Variants in RAB11FIP1 observed in about 807,000 individuals in gnomAD.
RAB11FIP1 encodes RAB11 family interacting protein 1, also known as rab11 family-interacting protein 1.
In RAB11FIP1, 49 loss-of-function variants were observed where a neutral mutation model predicts 83.1. That is an observed-to-expected ratio of 0.59 (90% CI 0.47 to 0.75). The LOEUF (loss-of-function observed/expected upper bound fraction) is 0.75, where lower values mean the gene tolerates loss of function less well. Ranked by LOEUF, RAB11FIP1 falls within the 30% of genes least tolerant of loss-of-function variation. The probability of loss-of-function intolerance (pLI) is 0.00; values close to 1 mark genes in which losing one functional copy is unlikely to be tolerated. For synonymous variants in RAB11FIP1, 670 were observed against 656.0 expected, an observed-to-expected ratio of 1.02 and a Z score of -0.33; for missense variants, 1,536 against 1,598.7, an observed-to-expected ratio of 0.96 and a Z score of 0.67.
At chr8:37,870,820 T>C in intron 4 of RAB11FIP1, 1 of 338,444 alleles carries the variant, frequency 3.0e-6, no homozygotes, top group Non-Finnish European at 5.3e-6. Flanking sequence ...AGTCTCTTAT[T>C]TTTTTAAGTC....
At position 37,872,693 on chromosome 8, in the gene RAB11FIP1, C is replaced by T; in HGVS notation, c.2109G>A (p.Glu703=). 6.2e-7 allele frequency: 1 copy of T among 1,614,238 alleles called. No individual in the cohort carries two copies. Among genetic ancestry groups the T allele is most frequent in the Non-Finnish European group, 8.5e-7 (1 of 1,180,036 alleles). Residue 703 remains glutamate, a synonymous_variant, in exon 4 of 6, where the codon GAG becomes GAA. Coordinates refer to ENST00000330843, the MANE Select transcript of RAB11FIP1 (RefSeq NM_001002814.3). ...LPEQPETGRQ[E]EELPRFPCKK... ...TGCAGGGGAATCTCGGAAGTTCTTCCTCTTGTCGCCCTGTTTCAGGCTGCT... is the reference window on the plus strand; with the variant it reads ...TGCAGGGGAATCTCGGAAGTTCTTCTTCTTGTCGCCCTGTTTCAGGCTGCT...
intron 1 of RAB11FIP1, among the ~76,000 whole-genome samples, chr8:37,894,729 T>TATATATAC (rs1807027840): frequency 2.0e-5 from 3 of 147,504 alleles, no homozygotes; most frequent in African/African-American, 7.5e-5. Flanking sequence ...TATACATATA[T>TATATATAC]ATATATATAT....
At chr8:37,895,544 G>C (rs143040454) in intron 1 of RAB11FIP1, among the ~76,000 whole-genome samples, 1 of 151,224 alleles carries the variant, frequency 6.6e-6, no homozygotes, top group African/African-American at 2.4e-5. Flanking sequence ...GTACTTAGCC[G>C]ATTCCCATTT....
chr8:37,870,966 A>C, intron 4 of RAB11FIP1: 1 of 363,954 alleles, frequency 2.7e-6, no homozygotes, highest in Non-Finnish European at 5.0e-6. Context: ...AGATACTACT[A>C]CCACTCAATG....
Position 37,896,851 on chromosome 8 carries a change from C to T in RAB11FIP1, c.371+2220G>A, listed in dbSNP as rs139767231. Among the ~76,000 whole-genome samples, 66 of 152,294 alleles carry T rather than the reference C, an allele frequency of 4.3e-4. No individual in the cohort carries two copies. In the East Asian group the frequency reaches 0.01, roughly 24 times the overall value. On this transcript the variant is annotated intron_variant, in intron 1 of 5. Transcript: ENST00000330843. ...GAAGCCCAACAATGAGTCAGGGCTG[C>T]TGTGGGCACTGGACCCAGGACTCTG...
intron 1 of RAB11FIP1, among the ~76,000 whole-genome samples, chr8:37,896,678 C>G (rs1807097160): frequency 6.6e-6 from 1 of 152,210 alleles, no homozygotes; most frequent in Non-Finnish European, 1.5e-5. Context: ...GTTTCAATCT[C>G]TCACAAAGCA....
At chr8:37,863,867 C>A (rs1364782176) in intron 5 of RAB11FIP1, among the ~76,000 whole-genome samples, 1 of 152,200 alleles carries the variant, frequency 6.6e-6, no homozygotes, top group African/African-American at 2.4e-5. Context: ...CTCACACAAC[C>A]AAACACCAGT....
chr8:37,898,693 G>A (rs1453920935), intron 1 of RAB11FIP1, among the ~76,000 whole-genome samples: 1 of 151,214 alleles, frequency 6.6e-6, no homozygotes, highest in South Asian at 2.1e-4. Context: ...GGTGGTGCGC[G>A]CCTGTAATCC....
chr8:37,873,364 G>A, intron 3 of RAB11FIP1, 185 bp from the exon 4 acceptor site: 1 of 561,428 alleles, frequency 1.8e-6, no homozygotes, highest in South Asian at 2.6e-5. Context: ...CAGCACTGTG[G>A]GAGGCCGAGG....
At position 37,860,856 on chromosome 8, in the gene RAB11FIP1, T is replaced by G. The variant is rs1405253438; in HGVS notation, c.*2039A>C. The G allele has an allele frequency of 6.6e-6, 1 of 152,652 alleles. No homozygotes were observed. The highest frequency in any genetic ancestry group is 2.4e-5 in the African/African-American group (1 of 41,466). The allele number at this position is 152,652 out of a possible 1,614,324, so 9.5% of individuals were successfully genotyped here. A position where few individuals can be genotyped will look rare whatever the true frequency, so the allele number is the denominator to read the frequency against. On this transcript the variant is annotated 3_prime_UTR_variant, in exon 6 of 6. Coordinates refer to ENST00000330843, the MANE Select transcript of RAB11FIP1 (RefSeq NM_001002814.3). ...TACAGTATCATCCTTCAGATTAAAGTGCTCTGATATAACCAATGCCACAGC... is the reference window on the plus strand; with the variant it reads ...TACAGTATCATCCTTCAGATTAAAGGGCTCTGATATAACCAATGCCACAGC...
intron 1 of RAB11FIP1, among the ~76,000 whole-genome samples, chr8:37,891,311 G>A (rs1342782884): frequency 2.0e-5 from 3 of 152,162 alleles, no homozygotes; most frequent in African/African-American, 7.2e-5. Context: ...CTCTATTCAA[G>A]GCTAGACCTT....
rs1806468487 is a variant in RAB11FIP1 at position 37,871,786 on chromosome 8, G to A, written c.3016C>T (p.Pro1006Ser). ...GGCCCCTTTCCCCTCTCAGGACAGG[G>A]GACTACCAAGCCCAAGGACAAAGCT... ...IGALSLGLVV[P>S]CPERGKGPSG... Residue 1006 changes from proline to serine, a missense_variant, in exon 4 of 6, where the codon CCC (proline) becomes TCC (serine). Coordinates refer to ENST00000330843, the MANE Select transcript of RAB11FIP1 (RefSeq NM_001002814.3). 1 of 1,613,924 alleles carries A rather than the reference G, an allele frequency of 6.2e-7. No homozygotes were observed. Among genetic ancestry groups the A allele is most frequent in the Admixed American group, 1.7e-5 (1 of 60,004 alleles).
At position 37,875,244 on chromosome 8, in the gene RAB11FIP1, C is replaced by T; in HGVS notation, c.893G>A (p.Gly298Glu). The change falls in exon 3 of 6, where the codon GGA becomes GAA. Residue 298 changes from glycine to glutamate, a missense_variant. Gly to Glu is a moderately conservative substitution (Grantham distance 98, BLOSUM62 -2). Coordinates refer to ENST00000330843, the MANE Select transcript of RAB11FIP1 (RefSeq NM_001002814.3). ...QVNFTLPKKE[G>E]LSFLGGLRSK... ...CCGAAGGCCACCAAGAAAGGAAAGT[C>T]CTTCCTTCTTGGGAAGGGTAAAGTT... The T allele has an allele frequency of 1.2e-6, 2 of 1,614,010 alleles. No individual in the cohort carries two copies. Among genetic ancestry groups the T allele is most frequent in the Non-Finnish European group, 1.7e-6 (2 of 1,179,924 alleles).
In RAB11FIP1 at chr8:37,873,160, C is replaced by T. The variant is rs1276816659; in HGVS notation, c.1642G>A (p.Ala548Thr). 1 of 1,600,132 alleles carries T rather than the reference C, an allele frequency of 6.2e-7. No individual in the cohort carries two copies. Among genetic ancestry groups the T allele is most frequent in the Non-Finnish European group, 8.5e-7 (1 of 1,176,052 alleles). The change falls in exon 4 of 6, where the codon GCG becomes ACG. Residue 548 changes from alanine to threonine, a missense_variant. Ala to Thr is a moderately conservative substitution (Grantham distance 58). Coordinates refer to ENST00000330843, the MANE Select transcript of RAB11FIP1 (RefSeq NM_001002814.3). ...GAAGGAAGCCTGGCTGTGGGTTGCGCCTCTGGAGACACTTCCAGTCTGCAA... is the reference window on the plus strand; with the variant it reads ...GAAGGAAGCCTGGCTGTGGGTTGCGTCTCTGGAGACACTTCCAGTCTGCAA... ...VKPRLEVSPEAQPTARLPSPT... is the reference protein window; with the variant it reads ...VKPRLEVSPETQPTARLPSPT...
chr8:37,879,315 C>CA (rs1013898812), intron 1 of RAB11FIP1, among the ~76,000 whole-genome samples: 26 of 148,158 alleles, frequency 1.8e-4, no homozygotes, highest in South Asian at 1.1e-3. Context: ...GACTCCATCT[C>CA]AAAAAAAACA....
At chr8:37,885,166 T>C (rs545406606) in intron 1 of RAB11FIP1, among the ~76,000 whole-genome samples, 13 of 151,818 alleles carry the variant, frequency 8.6e-5, no homozygotes, top group Admixed American at 1.3e-4. Flanking sequence ...AGCTAAGTTT[T>C]GTATTTTTAG....
At position 37,897,031 on chromosome 8, in the gene RAB11FIP1, A is replaced by C. The variant is rs565371000; in HGVS notation, c.371+2040T>G. ...CAGCACCCATTTGAAGCTGAAGGGAAGCCAACCCACCACCCCCAGTGTCAT... is the reference window on the plus strand; with the variant it reads ...CAGCACCCATTTGAAGCTGAAGGGACGCCAACCCACCACCCCCAGTGTCAT... On this transcript the variant is annotated intron_variant, in intron 1 of 5. Coordinates refer to ENST00000330843, the MANE Select transcript of RAB11FIP1 (RefSeq NM_001002814.3). Among the ~76,000 whole-genome samples the C allele has an allele frequency of 3.3e-5, 5 of 152,326 alleles. No homozygotes were observed. The East Asian group carries it at 9.6e-4, about 29-fold the overall frequency.
At chr8:37,895,218 AATATATATATAT>A (rs1157101966) in intron 1 of RAB11FIP1, among the ~76,000 whole-genome samples, 279 of 13,698 alleles carry the variant, frequency 0.02, 11 homozygotes, top group African/African-American at 0.026. Flanking sequence ...GGTGCCTGCC[AATATATATATAT>A]ATATATATAT....
At position 37,893,683 on chromosome 8, in the gene RAB11FIP1, G is replaced by A. The variant is rs145586761; in HGVS notation, c.371+5388C>T. Among the ~76,000 whole-genome samples, 822 of 152,140 alleles carry A rather than the reference G, an allele frequency of 5.4e-3. 6 individuals are homozygous for A. The highest frequency in any genetic ancestry group is 0.019 in the African/African-American group (784 of 41,504). ...CACACCCCTGTAGTCCCAGCTACTC[G>A]GGAAGCTGAGCTGGGAGGATTGCTT... is the stretch of plus-strand genomic sequence containing the variant. On this transcript the variant is annotated intron_variant, in intron 1 of 5. Transcript: ENST00000330843.
Sources: allele counts gnomAD v4.1 joint callset (sites outside exome capture counted in the v4.1 genomes callset), GRCh38; gene constraint gnomAD v4.1.1; transcripts MANE v1.5; gene names NCBI Gene and HGNC (gene_info 2026-07-23, HGNC 2026-07-21).